Variants in HADH observed in about 807,000 individuals in gnomAD.
HADH encodes the protein hydroxyacyl-CoA dehydrogenase, also known as hydroxyacyl-coenzyme A dehydrogenase, mitochondrial.
Under a neutral mutation model 32.2 loss-of-function variants are expected in HADH, and 24 were observed. The ratio of observed to expected loss-of-function variants is 0.75; its 90% CI spans 0.54 to 1.05. The LOEUF (loss-of-function observed/expected upper bound fraction) is 1.05, where lower values mean the gene tolerates loss of function less well. Ranked by LOEUF, HADH falls within the 50% of genes least tolerant of loss-of-function variation. The pLI, the probability that HADH is intolerant of heterozygous loss-of-function variation, is 0.00. For synonymous variants in HADH, 139 were observed against 152.5 expected (o/e 0.91, Z 0.65); for missense variants, 350 against 397.1 (o/e 0.88, Z 1.01).
chr4:108,004,711 G>A, intron 1 of HADH: 1 of 1,530,506 alleles, frequency 6.5e-7, no homozygotes. Flanking sequence ...TTTCAAGAAA[G>A]GAATGAAGAG....
chr4:108,010,648 T>C (rs759250939), intron 2 of HADH, among the ~76,000 whole-genome samples: 1 of 152,310 alleles, frequency 6.6e-6, no homozygotes, highest in East Asian at 1.9e-4. Flanking sequence ...TAGATGCTTT[T>C]AAAAATTTTT....
chr4:108,027,051 G>T (rs1030850428), intron 5 of HADH: 1 of 160,644 alleles, frequency 6.2e-6, no homozygotes, highest in East Asian at 1.8e-4. Flanking sequence ...CAGAGGCTCT[G>T]CTCCTTTGTC....
Position 108,034,223 on chromosome 4 carries a change from T to G in HADH, c.827-16T>G, listed in dbSNP as rs1306373568. 1 of 1,492,172 alleles carries G rather than the reference T, an allele frequency of 6.7e-7. No individual in the cohort carries two copies. The highest frequency in any genetic ancestry group is 1.4e-5 in the African/African-American group (1 of 72,474). 92.4% of individuals were successfully genotyped at this position (1,492,172 alleles called of 1,614,324 possible). On this transcript the variant is annotated splice_polypyrimidine_tract_variant and intron_variant, in intron 7 of 7. Transcript: ENST00000309522. ...CCCAGCACTTCATCCTGAGTTCTCT[T>G]CCCTCCGCTCAATAGGGTGGCATGA...
rs137853102 is a variant in HADH, at chr4:108,009,797, C to T, written c.171C>T (p.Asp57=). ...CTGGTCACACAGTAGTGTTGGTAGA[C>T]CAGACAGAGGACATCCTGGCAAAAT... ...AATGHTVVLV[D]QTEDILAKSK... The change falls in exon 2 of 8, where the codon GAC becomes GAT. Residue 57 remains aspartate, a synonymous_variant. Transcript: ENST00000309522. 2 of 1,610,848 alleles carry T rather than the reference C, an allele frequency of 1.2e-6. No individual in the cohort carries two copies. Among genetic ancestry groups the T allele is most frequent in the South Asian group, 1.1e-5 (1 of 91,002 alleles).
chr4:107,994,201 G>A (rs1193058474), intron 1 of HADH, among the ~76,000 whole-genome samples: 1 of 151,866 alleles, frequency 6.6e-6, no homozygotes, highest in Non-Finnish European at 1.5e-5. Flanking sequence ...TCTTAAAGGG[G>A]GTTGGGGATA....
rs923998220 is a variant in HADH at position 108,013,793 on chromosome 4, G to A, written c.262-638G>A. 3.3e-5 allele frequency among the ~76,000 whole-genome samples: 5 copies of A among 151,668 alleles called. No homozygotes were observed. In the South Asian group the frequency reaches 8.4e-4, roughly 25 times the overall value. ...AAGTGATGGCATCTTAGATATATTG[G>A]GTTAAATAACATTAATTTCACCTGC... On this transcript the variant is annotated intron_variant, in intron 2 of 7. Transcript: ENST00000309522.
At chr4:108,032,199 A>G (rs1454772938) in intron 6 of HADH, 10 of 570,016 alleles carry the variant, frequency 1.8e-5, no homozygotes, top group Non-Finnish European at 3.3e-5. Context: ...CCTGTTGCAG[A>G]CTATTCTACT....
chr4:108,010,929 G>A (rs1274292392), intron 2 of HADH, among the ~76,000 whole-genome samples: 3 of 140,860 alleles, frequency 2.1e-5, no homozygotes, highest in Non-Finnish European at 4.5e-5. Flanking sequence ...TCAGCTCACC[G>A]CAACCTCCAC....
chr4:108,006,353 C>G (rs1305452707), intron 1 of HADH, among the ~76,000 whole-genome samples: 1 of 152,152 alleles, frequency 6.6e-6, no homozygotes, highest in East Asian at 1.9e-4. Context: ...TCAGAGCCGA[C>G]AGGTTATTTT....
chr4:107,990,072 G>A lies in HADH; in HGVS notation c.132+8G>A. On this transcript the variant is annotated splice_region_variant and intron_variant, in intron 1 of 7. Transcript: ENST00000309522. ...GGCGCCGGCATTGCCCAGGTGAGCG[G>A]CCCTCCCTGCAGCGTGCCCACGCGC... 3.1e-6 allele frequency: 5 copies of A among 1,605,010 alleles called. No individual in the cohort carries two copies. The highest frequency in any genetic ancestry group is 4.2e-6 in the Non-Finnish European group (5 of 1,177,286).
intron 5 of HADH, 154 bp from the exon 6 acceptor site, chr4:108,027,534 A>G: frequency 1.4e-6 from 1 of 700,280 alleles, no homozygotes. Flanking sequence ...CATATGAGAT[A>G]GAAATAAGGC....
At chr4:107,999,738 C>A (rs1735062794) in intron 1 of HADH, among the ~76,000 whole-genome samples, 1 of 152,138 alleles carries the variant, frequency 6.6e-6, no homozygotes, top group South Asian at 2.1e-4. Context: ...GTGATTGCTG[C>A]TCTTGAGAAA....
chr4:108,024,475 T>G (rs3796992), intron 5 of HADH: 3 of 152,210 alleles, frequency 2.0e-5, no homozygotes, highest in African/African-American at 7.2e-5. Flanking sequence ...AAAAATCATG[T>G]TGTTCATGAA....
At chr4:108,009,977 C>CTTT (rs11388783) in intron 2 of HADH, 90 bp downstream of exon 2, 926 of 550,250 alleles carry the variant, frequency 1.7e-3, no homozygotes, top group East Asian at 2.7e-3. Context: ...TTCTTTCTTT[C>CTTT]TTTTTTTTTT....
At chr4:108,033,902 T>C (rs1736364781) in intron 7 of HADH, among the ~76,000 whole-genome samples, 1 of 152,274 alleles carries the variant, frequency 6.6e-6, no homozygotes, top group East Asian at 1.9e-4. Flanking sequence ...AAGTTAACTG[T>C]GCCAGTGATG....
At chr4:107,991,729 C>T (rs1365342517) in intron 1 of HADH, among the ~76,000 whole-genome samples, 1 of 152,114 alleles carries the variant, frequency 6.6e-6, no homozygotes, top group Non-Finnish European at 1.5e-5. Flanking sequence ...CGTTTGTATT[C>T]CCAGGCTCCA....
chr4:107,991,762 G>C lies in HADH; in HGVS notation c.132+1698G>C, dbSNP rs560955104. On this transcript the variant is annotated intron_variant, in intron 1 of 7. Coordinates refer to ENST00000309522, the MANE Select transcript of HADH (RefSeq NM_005327.7). Reference sequence around the variant, plus strand: ...CCACCCAAATCTCCCAAGGCTGTGAGAGTGAGATTTGTTGTGAGCAGGAAT... The same window carrying C: ...CCACCCAAATCTCCCAAGGCTGTGACAGTGAGATTTGTTGTGAGCAGGAAT... 2.2e-4 allele frequency among the ~76,000 whole-genome samples: 34 copies of C among 152,334 alleles called. 1 individual carries two copies. In the South Asian group the frequency reaches 2.3e-3, roughly 10 times the overall value.
intron 6 of HADH, chr4:108,032,925 C>T (rs541943727): frequency 3.0e-5 from 14 of 466,958 alleles, no homozygotes; most frequent in East Asian, 8.8e-5. Context: ...GAGGTTGCAG[C>T]GAGCCAAGAT....
intron 7 of HADH, 125 bp downstream of exon 7, chr4:108,033,417 G>A: frequency 1.4e-6 from 1 of 719,298 alleles, no homozygotes. Context: ...TGCCTCACCA[G>A]GTTGAGAATT....
Sources: gnomAD v4.1 joint callset for allele counts (sites outside exome capture counted in the v4.1 genomes callset) on GRCh38, gnomAD v4.1.1 for gene constraint, MANE v1.5 for transcripts, NCBI Gene and HGNC (gene_info 2026-07-23, HGNC 2026-07-21) for gene names.